MYRIP: variants seen among roughly 807,000 people sequenced by gnomAD.
The protein encoded by MYRIP is rab effector MyRIP.
Under a neutral mutation model 98.0 loss-of-function variants are expected in MYRIP, and 49 were observed. The ratio of observed to expected loss-of-function variants is 0.50; its 90% CI spans 0.40 to 0.63. The LOEUF (loss-of-function observed/expected upper bound fraction) is 0.63. Among genes scored for constraint, MYRIP ranks in the 30% least tolerant of loss-of-function variants. The pLI is 0.00. For synonymous variants in MYRIP, 404 were observed against 409.5 expected, an observed-to-expected ratio of 0.99 and a Z score of 0.16; for missense variants, 1,004 against 1,058.2, an observed-to-expected ratio of 0.95 and a Z score of 0.71.
At chr3:40,214,088 T>C (rs1387785630) in intron 11 of MYRIP, among the ~76,000 whole-genome samples, 1 of 152,232 alleles carries the variant, frequency 6.6e-6, no homozygotes. Context: ...ATAAGCCATG[T>C]GCACCCCAAT....
At chr3:39,928,389 A>G (rs1024259944) in intron 2 of MYRIP, among the ~76,000 whole-genome samples, 3 of 151,918 alleles carry the variant, frequency 2.0e-5, no homozygotes, top group Non-Finnish European at 4.4e-5. Flanking sequence ...AAGGGAGAAA[A>G]TTACAAATCA....
chr3:40,038,242 G>T (rs1383938760), intron 2 of MYRIP, among the ~76,000 whole-genome samples: 3 of 151,986 alleles, frequency 2.0e-5, no homozygotes, highest in Non-Finnish European at 2.9e-5. Flanking sequence ...AACCTGCAAG[G>T]TACAACAAAA....
At chr3:39,927,328 C>A (rs1460654718) in intron 2 of MYRIP, among the ~76,000 whole-genome samples, 1 of 151,890 alleles carries the variant, frequency 6.6e-6, no homozygotes, top group Non-Finnish European at 1.5e-5. Context: ...GCTTCTCTTG[C>A]CTGATTGCTC....
intron 3 of MYRIP, among the ~76,000 whole-genome samples, chr3:40,080,437 A>C (rs1948449031): frequency 6.6e-6 from 1 of 152,084 alleles, no homozygotes. Flanking sequence ...CCATAAATTG[A>C]GTAAGGCGCT....
chr3:40,017,059 C>T (rs1946879294), intron 2 of MYRIP, among the ~76,000 whole-genome samples: 1 of 152,178 alleles, frequency 6.6e-6, no homozygotes, highest in Non-Finnish European at 1.5e-5. Flanking sequence ...GAATTTCTGA[C>T]CTCTGTCTTT....
At position 40,069,773 on chromosome 3, in the gene MYRIP, G is replaced by A. The variant is rs182057371; in HGVS notation, c.332+25502G>A. ...GGAAGACAGTTTTCCCACTTACGGTGTGCGGAGAGGGATGGTTTCAGAATG... is the reference window on the plus strand; with the variant it reads ...GGAAGACAGTTTTCCCACTTACGGTATGCGGAGAGGGATGGTTTCAGAATG... On this transcript the variant is annotated intron_variant, in intron 3 of 16. Coordinates refer to ENST00000302541, the MANE Select transcript of MYRIP (RefSeq NM_015460.4). Among the ~76,000 whole-genome samples the A allele has an allele frequency of 5.6e-4, 86 of 152,260 alleles. 1 individual carries two copies. Among genetic ancestry groups the A allele is most frequent in the Admixed American group, 9.2e-4 (14 of 15,292 alleles).
At chr3:39,924,025 A>C (rs1293391288) in intron 2 of MYRIP, among the ~76,000 whole-genome samples, 2 of 152,096 alleles carry the variant, frequency 1.3e-5, no homozygotes, top group Admixed American at 1.3e-4. Context: ...ATCACAAGGA[A>C]ATTCTAAAAA....
At chr3:40,047,290 A>G (rs958068273) in intron 3 of MYRIP, among the ~76,000 whole-genome samples, 4 of 152,218 alleles carry the variant, frequency 2.6e-5, no homozygotes, top group Admixed American at 6.5e-5. Flanking sequence ...AGGTAGTCCC[A>G]TTTCACTTAA....
chr3:40,038,991 G>T (rs924145296), intron 2 of MYRIP, among the ~76,000 whole-genome samples: 1 of 152,164 alleles, frequency 6.6e-6, no homozygotes, highest in African/African-American at 2.4e-5. Flanking sequence ...CATGTCCAGT[G>T]ACAGGGCCAA....
At chr3:40,218,623 T>C (rs1219671579) in intron 11 of MYRIP, among the ~76,000 whole-genome samples, 2,598 of 89,178 alleles carry the variant, frequency 0.029, 206 homozygotes, top group African/African-American at 0.1. Context: ...TATATATATA[T>C]ATATATATAT....
At chr3:39,908,907 G>T (rs1173368709) in intron 2 of MYRIP, among the ~76,000 whole-genome samples, 1 of 152,132 alleles carries the variant, frequency 6.6e-6, no homozygotes, top group Non-Finnish European at 1.5e-5. Context: ...TTTGCCTGAG[G>T]TCTCCTCATG....
At chr3:40,158,225 A>C (rs1051489185) in intron 4 of MYRIP, among the ~76,000 whole-genome samples, 1 of 151,934 alleles carries the variant, frequency 6.6e-6, no homozygotes, top group Non-Finnish European at 1.5e-5. Flanking sequence ...CAAAGAACAT[A>C]TTTATTTCTG....
chr3:39,973,563 C>A (rs989275904), intron 2 of MYRIP, among the ~76,000 whole-genome samples: 1 of 152,164 alleles, frequency 6.6e-6, no homozygotes, highest in Non-Finnish European at 1.5e-5. Flanking sequence ...TAGTAGACAT[C>A]TACAGAACTC....
At chr3:39,809,431 T>A (rs1358221058), upstream of MYRIP, among the ~76,000 whole-genome samples, 5 of 146,432 alleles carry the variant, frequency 3.4e-5, no homozygotes, top group Non-Finnish European at 7.6e-5. Context: ...GCGCCCGAGG[T>A]GCTCTGGAGG....
chr3:39,987,327 C>T (rs375404746), intron 2 of MYRIP, among the ~76,000 whole-genome samples: 7 of 152,160 alleles, frequency 4.6e-5, no homozygotes, highest in East Asian at 1.9e-4. Context: ...TCCCTGCAAA[C>T]GACGTGATGT....
chr3:40,242,761 C>T (rs1422002384), intron 12 of MYRIP, among the ~76,000 whole-genome samples: 5 of 152,020 alleles, frequency 3.3e-5, no homozygotes, highest in African/African-American at 9.7e-5. Context: ...AATAAATTTA[C>T]TTTTTTGGTG....
Position 40,250,284 on chromosome 3 carries a change from T to C in MYRIP, c.2325T>C (p.Cys775=), listed in dbSNP as rs763371190. 1 of 1,614,186 alleles carries C rather than the reference T, an allele frequency of 6.2e-7. No individual in the cohort carries two copies. ...LTIAGLNIAP[C]VRFTRRRDQK... ...TTGCAGGATTAAACATAGCACCATG[T>C]GTGCGCTTCACAAGAAGACGGGATC... The change falls in exon 14 of 17, where the codon TGT becomes TGC. Residue 775 remains cysteine, a synonymous_variant. Transcript: ENST00000302541.
chr3:39,845,313 G>A (rs547383621), intron 1 of MYRIP, among the ~76,000 whole-genome samples: 7 of 152,274 alleles, frequency 4.6e-5, no homozygotes, highest in African/African-American at 1.7e-4. Flanking sequence ...GATGGTTGGT[G>A]TGAAGTTCAG....
chr3:39,984,897 T>A (rs1291491242), intron 2 of MYRIP, among the ~76,000 whole-genome samples: 9 of 151,778 alleles, frequency 5.9e-5, no homozygotes, highest in South Asian at 2.1e-4. Context: ...TGTTGTTTCC[T>A]GACTTTTTAA....
Sources: gnomAD v4.1 joint callset for allele counts (sites outside exome capture counted in the v4.1 genomes callset) on GRCh38, gnomAD v4.1.1 for gene constraint, MANE v1.5 for transcripts, NCBI Gene and HGNC (gene_info 2026-07-23, HGNC 2026-07-21) for gene names.